The following GPS2 variants were observed in gnomAD, a reference collection of about 807,000 sequenced individuals.
GPS2 encodes the protein G protein pathway suppressor 2, also known as GPS-2.
Under a neutral mutation model 48.1 loss-of-function variants are expected in GPS2, and 22 were observed. The observed-to-expected ratio is 0.46, with a 90% CI of 0.33 to 0.65. GPS2 has a LOEUF of 0.65. Ranked by LOEUF, GPS2 falls within the 30% of genes least tolerant of loss-of-function variation. GPS2 has a pLI of 0.03. For synonymous variants in GPS2, 202 were observed against 142.5 expected, an observed-to-expected ratio of 1.42 and a Z score of -2.98; for missense variants, 366 against 406.8, an observed-to-expected ratio of 0.90 and a Z score of 0.86.
chr17:7,313,786 G>GT, intron 6 of GPS2, 65 bp from the exon 7 acceptor site: 1 of 1,585,926 alleles, frequency 6.3e-7, no homozygotes, highest in Non-Finnish European at 8.6e-7. Context: ...TGACTTGTGT[G>GT]TATCTGTATG....
At chr17:7,313,344 C>T (rs2072889626) in intron 8 of GPS2, 36 bp downstream of exon 8, 7 of 1,611,714 alleles carry the variant, frequency 4.3e-6, no homozygotes, top group Non-Finnish European at 4.2e-6. Flanking sequence ...GAGGGGAGGA[C>T]CTGAGAGCTA....
Position 7,312,677 on chromosome 17 carries a change from T to G in GPS2, c.*79A>C. 1 of 1,154,146 alleles carries G rather than the reference T, an allele frequency of 8.7e-7. No individual in the cohort carries two copies. Among genetic ancestry groups the G allele is most frequent in the Non-Finnish European group, 1.3e-6 (1 of 763,752 alleles). 71.5% of individuals were successfully genotyped at this position (1,154,146 alleles called of 1,614,324 possible). A position where few individuals can be genotyped will look rare whatever the true frequency, so the allele number is the denominator to read the frequency against. ...AGCCAGGGGCAGTGGCAGGTAGATT[T>G]TATTGGCCTGGGACACACAGGGGAT... On this transcript the variant is annotated 3_prime_UTR_variant, in exon 11 of 11. Coordinates refer to ENST00000380728, the MANE Select transcript of GPS2 (RefSeq NM_004489.5).
chr17:7,315,260 G>A (rs1303097193), intron 1 of GPS2, 71 bp downstream of exon 1: 2 of 322,740 alleles, frequency 6.2e-6, no homozygotes, highest in East Asian at 9.6e-5. Context: ...ACCGCGCGCG[G>A]GCGGCGCCGG....
chr17:7,315,308 G>C (rs1319415889), intron 1 of GPS2, 23 bp downstream of exon 1: 6 of 373,364 alleles, frequency 1.6e-5, no homozygotes, highest in Non-Finnish European at 2.4e-5. Flanking sequence ...TGCCCAGCCA[G>C]CGCGGACGAC....
chr17:7,312,783 G>A lies in GPS2; in HGVS notation c.957C>T (p.Ser319=), dbSNP rs767681373. ...PGPRLPFIQH[S]QNPRFYHK ...ACTTGTGGTAGAATCGCGGGTTCTG[G>A]CTGTGTTGGATGAAGGGGAGCCGAG... Residue 319 remains serine (S), a synonymous_variant, in exon 11 of 11, where the codon AGC becomes AGT. Transcript: ENST00000380728. 2 of 1,613,980 alleles carry A rather than the reference G, an allele frequency of 1.2e-6. No homozygotes were observed. Among genetic ancestry groups the A allele is most frequent in the Non-Finnish European group, 1.7e-6 (2 of 1,179,878 alleles).
chr17:7,314,081 C>T lies in GPS2; in HGVS notation c.396G>A (p.Gln132=), dbSNP rs758834183. The T allele has an allele frequency of 5.0e-6, 8 of 1,612,676 alleles. No individual in the cohort carries two copies. Among genetic ancestry groups the T allele is most frequent in the Non-Finnish European group, 6.8e-6 (8 of 1,178,638 alleles). ...TCTGGTGGTTTCTTTAGTCCTCACCCTGCATGCTGAGGAGATGAGTTCCTG... is the reference window on the plus strand; with the variant it reads ...TCTGGTGGTTTCTTTAGTCCTCACCTTGCATGCTGAGGAGATGAGTTCCTG... The part of the protein sequence containing the change: ...VHTGTHLLSM[Q]GSPGGHNRPG... Residue 132 remains glutamine, a splice_region_variant and synonymous_variant, in exon 5 of 11, where the codon CAG becomes CAA. Transcript: ENST00000380728.
rs2072903055 is a variant in GPS2, at chr17:7,314,049, G to A, written c.397+31C>T. 7.5e-6 allele frequency: 12 copies of A among 1,609,596 alleles called. No individual in the cohort carries two copies. The East Asian group carries it at 8.9e-5, about 12-fold the overall frequency. On this transcript the variant is annotated intron_variant, in intron 5 of 10. Coordinates refer to ENST00000380728, the MANE Select transcript of GPS2 (RefSeq NM_004489.5). The stretch of plus-strand genomic sequence containing the variant: ...GGAGGCTGTGACCTCCAAGAAGGCC[G>A]GTTCCATCTGGTGGTTTCTTTAGTC...
At chr17:7,313,535 G>A (rs377513078) in intron 7 of GPS2, 33 bp downstream of exon 7, 1 of 1,613,534 alleles carries the variant, frequency 6.2e-7, no homozygotes, top group Non-Finnish European at 8.5e-7. Context: ...TTGACCTTGA[G>A]GAAGGCCAAG....
chr17:7,314,764 T>C, intron 2 of GPS2, 167 bp from the exon 3 acceptor site: 1 of 1,390,770 alleles, frequency 7.2e-7, no homozygotes, highest in South Asian at 1.3e-5. Context: ...CTTTATCAGG[T>C]GCTCTCCAAG....
At position 7,315,118 on chromosome 17, in the gene GPS2, G is replaced by A. The variant is rs780293484; in HGVS notation, c.-66C>T. On this transcript the variant is annotated splice_region_variant and 5_prime_UTR_variant, in exon 2 of 11. Coordinates refer to ENST00000380728, the MANE Select transcript of GPS2 (RefSeq NM_004489.5). ...CTCTGACTGCCAGACCTCAGACGGG[G>A]CCTGCGGGGAGGCGGGCGCTCAGAG... The A allele has an allele frequency of 7.7e-7, 1 of 1,305,990 alleles. No homozygotes were observed. The highest frequency in any genetic ancestry group is 3.0e-5 in the East Asian group (1 of 33,102). 80.9% of individuals were successfully genotyped at this position (1,305,990 alleles called of 1,614,324 possible).
In GPS2 at chr17:7,314,952, G is replaced by A. The variant is rs1171738342; in HGVS notation, c.94+7C>T. The A allele has an allele frequency of 1.3e-6, 2 of 1,569,926 alleles. No individual in the cohort carries two copies. The highest frequency in any genetic ancestry group is 1.9e-5 in the Admixed American group (1 of 53,930). On this transcript the variant is annotated splice_region_variant and intron_variant, in intron 2 of 10. Transcript: ENST00000380728. ...CCGTGCGTCCCCCTGCTATGGCCCC[G>A]GCTCACCCTGCCGCTTGCGCTCCCG...
At position 7,314,938 on chromosome 17, in the gene GPS2, CCTG is replaced by C; in HGVS notation, c.94+18_94+20del. 2 of 1,562,188 alleles carry C rather than the reference CCTG, an allele frequency of 1.3e-6. No individual in the cohort carries two copies. Among genetic ancestry groups the C allele is most frequent in the South Asian group, 2.3e-5 (2 of 85,366 alleles). On this transcript the variant is annotated intron_variant, in intron 2 of 10. Transcript: ENST00000380728. Reference sequence around the variant, plus strand: ...GGAGCCATTCTGGGCCGTGCGTCCCCCTGCTATGGCCCCGGCTCACCCTGCCGC... The same window carrying C: ...GGAGCCATTCTGGGCCGTGCGTCCCCCTATGGCCCCGGCTCACCCTGCCGC...
Position 7,313,719 on chromosome 17 carries a change from G to C in GPS2, c.483C>G (p.Thr161=). 6.2e-7 allele frequency: 1 copy of C among 1,613,742 alleles called. No individual in the cohort carries two copies. The change falls in exon 7 of 11, where the codon ACC becomes ACG. Residue 161 remains threonine, a splice_region_variant and synonymous_variant. Transcript: ENST00000380728. ...KQMFGPQVLT[T]RHYVGSAAAF... is the part of the protein sequence containing the mutation. ...CAGCTGCTGAGCCCACGTAGTGCCG[G>C]GTCTAAGGAAGGAGAATGAGAACTC...
intron 10 of GPS2, 61 bp from the exon 11 acceptor site, chr17:7,312,900 C>T: frequency 6.6e-7 from 1 of 1,525,646 alleles, no homozygotes; most frequent in Non-Finnish European, 9.1e-7. Context: ...CCACTTAATA[C>T]CCTACTGATA....
chr17:7,314,786 C>G (rs2072915630), intron 2 of GPS2, 173 bp downstream of exon 2: 1 of 1,294,970 alleles, frequency 7.7e-7, no homozygotes, highest in African/African-American at 1.5e-5. Flanking sequence ...TCCTTCCCAT[C>G]TCAAGGGTTC....
intron 2 of GPS2, 74 bp downstream of exon 2, chr17:7,314,885 G>A: frequency 1.1e-5 from 16 of 1,499,322 alleles, no homozygotes; most frequent in Non-Finnish European, 1.5e-5. Context: ...CTGGTTGGCC[G>A]GTGGGTTGAG....
In GPS2 at chr17:7,314,606, T is replaced by C; in HGVS notation, c.95-9A>G. The C allele has an allele frequency of 6.2e-7, 1 of 1,614,038 alleles. No homozygotes were observed. Among genetic ancestry groups the C allele is most frequent in the East Asian group, 2.2e-5 (1 of 44,886 alleles). ...ATCCACCTCTTCTTCCTCTGGAGAA[T>C]CAGGCAGAATGAAGAAGAGGCAGGG... On this transcript the variant is annotated splice_polypyrimidine_tract_variant and intron_variant, in intron 2 of 10. Coordinates refer to ENST00000380728, the MANE Select transcript of GPS2 (RefSeq NM_004489.5).
At position 7,313,906 on chromosome 17, in the gene GPS2, C is replaced by T. The variant is rs1486439791; in HGVS notation, c.480G>A (p.Thr160=). Residue 160 remains threonine (T), a splice_region_variant and synonymous_variant, in exon 6 of 11, where the codon ACG becomes ACA. Coordinates refer to ENST00000380728, the MANE Select transcript of GPS2 (RefSeq NM_004489.5). ...GCTAGGCATCCAATCCTACTCTCAC[C>T]GTAAGCACTTGGGGTCCAAACATTT... The part of the protein sequence containing the change: ...AKQMFGPQVL[T]TRHYVGSAAA... The T allele has an allele frequency of 3.7e-6, 6 of 1,613,394 alleles. No individual in the cohort carries two copies. The highest frequency in any genetic ancestry group is 2.2e-5 in the East Asian group (1 of 44,898).
At position 7,313,303 on chromosome 17, in the gene GPS2, A is replaced by G. The variant is rs747637318; in HGVS notation, c.725-12T>C. The G allele has an allele frequency of 3.1e-6, 5 of 1,613,344 alleles. No homozygotes were observed. The African/African-American group carries it at 6.7e-5, about 22-fold the overall frequency. ...AGGCTGGAGGAAACCTAGGTGGGGA[A>G]GAGGGGCATGTGAGATGAGAATGAA... On this transcript the variant is annotated splice_polypyrimidine_tract_variant and intron_variant, in intron 8 of 10. Transcript: ENST00000380728.
Sources: allele counts gnomAD v4.1 joint callset, GRCh38; gene constraint gnomAD v4.1.1; transcripts MANE v1.5; gene names NCBI Gene and HGNC (gene_info 2026-07-23, HGNC 2026-07-21).